Variants in ZNF157 observed in about 807,000 individuals in gnomAD.
ZNF157 encodes the protein zinc finger protein 157.
In ZNF157, 8 loss-of-function variants were observed where a neutral mutation model predicts 9.4. The ratio of observed to expected loss-of-function variants is 0.85; its 90% CI spans 0.50 to 1.53. The LOEUF is 1.53. Ranked by LOEUF, ZNF157 falls within the 40% of genes most tolerant of loss-of-function variation. ZNF157 has a pLI of 0.00. For missense variants in ZNF157, 316 were observed against 385.2 expected (o/e 0.82, Z 1.50); for synonymous variants, 120 against 130.8 (o/e 0.92, Z 0.56).
chrX:47,396,157 T>G (rs2055912601), intron 1 of ZNF157, among the ~76,000 whole-genome samples: 1 of 110,342 alleles, frequency 9.1e-6, no homozygotes, highest in South Asian at 3.9e-4. Context: ...GGGGCAGTGG[T>G]GCACGCCTGT....
intron 1 of ZNF157, among the ~76,000 whole-genome samples, chrX:47,387,075 A>AGCG (rs1215748796): frequency 9.2e-6 from 1 of 108,183 alleles, no homozygotes; most frequent in Admixed American, 1.0e-4. Context: ...TTCGTCCATC[A>AGCG]GCGTCCCAAG....
At chrX:47,407,995 G>T (rs2055952273) in intron 1 of ZNF157, among the ~76,000 whole-genome samples, 1 of 112,013 alleles carries the variant, frequency 8.9e-6, no homozygotes, top group South Asian at 3.7e-4. Context: ...AAAGAAAAGA[G>T]ATTTAATTGG....
intron 1 of ZNF157, 124 bp downstream of exon 1, chrX:47,370,864 C>A: frequency 1.0e-5 from 6 of 584,618 alleles, no homozygotes; most frequent in Non-Finnish European, 1.5e-5. Context: ...GTTTTTGTCC[C>A]CAGTAGTAAC....
At chrX:47,380,971 C>CAGGAGGAGGAGGAGAAAGAGA (rs2055860543) in intron 1 of ZNF157, among the ~76,000 whole-genome samples, 1 of 32,686 alleles carries the variant, frequency 3.1e-5, no homozygotes, top group African/African-American at 1.3e-4. Flanking sequence ...AAAGGAGGAG[C>CAGGAGGAGGAGGAGAAAGAGA]AGGAGGAGGA....
At position 47,405,350 on chromosome X, in the gene ZNF157, T is replaced by C. The variant is rs761606532; in HGVS notation, c.73-4926T>C. 1.3e-4 allele frequency among the ~76,000 whole-genome samples: 14 copies of C among 109,235 alleles called. No individual in the cohort carries two copies. The East Asian group carries it at 3.5e-3, about 27-fold the overall frequency. 94.9% of individuals were successfully genotyped at this position (109,235 alleles called of 115,157 possible). On this transcript the variant is annotated intron_variant, in intron 1 of 3. Transcript: ENST00000377073. ...GTTGCAGTGAGCCAAGATTGCACCA[T>C]TGCACTCCAGCCTCAGCAACAAGAG...
chrX:47,406,846 G>A (rs2055948754), intron 1 of ZNF157, among the ~76,000 whole-genome samples: 1 of 112,263 alleles, frequency 8.9e-6, no homozygotes, highest in South Asian at 3.6e-4. Context: ...TTTCTTGCCT[G>A]ATTTCACTAA....
chrX:47,387,062 G>A (rs901862906), intron 1 of ZNF157, among the ~76,000 whole-genome samples: 3 of 108,207 alleles, frequency 2.8e-5, no homozygotes, highest in African/African-American at 1.0e-4. Flanking sequence ...CTCTTCAAGC[G>A]ATTTCGTCCA....
intron 1 of ZNF157, among the ~76,000 whole-genome samples, chrX:47,377,457 A>C (rs1045119575): frequency 9.1e-6 from 1 of 110,271 alleles, no homozygotes; most frequent in Non-Finnish European, 1.9e-5. Context: ...CTTTTTAATT[A>C]ATTAATTAAT....
chrX:47,373,172 C>T (rs1442244677), intron 1 of ZNF157, among the ~76,000 whole-genome samples: 1 of 106,451 alleles, frequency 9.4e-6, no homozygotes, highest in Non-Finnish European at 2.0e-5. Flanking sequence ...GCACTCTAGC[C>T]TGGGCAAAAG....
rs1569258579 is a variant in ZNF157, at chrX:47,393,744, T to TC, written c.73-16532_73-16531insC. ...CCATCCCCGCCACCCTCCCCCGCCCTTTTTTTTTTTTTTAGACAAAGTCTT... is the reference window on the plus strand; with the variant it reads ...CCATCCCCGCCACCCTCCCCCGCCCTCTTTTTTTTTTTTTAGACAAAGTCTT... On this transcript the variant is annotated intron_variant, in intron 1 of 3. Transcript: ENST00000377073. 7.9e-3 allele frequency among the ~76,000 whole-genome samples: 324 copies of TC among 40,950 alleles called. 14 individuals carry two copies. Among genetic ancestry groups the TC allele is most frequent in the African/African-American group, 0.022 (316 of 14,100 alleles). The allele number at this position is 40,950 out of a possible 115,157, so 35.6% of individuals were successfully genotyped here.
chrX:47,397,249 TTTTTTTTTTTTG>T (rs1395113028), intron 1 of ZNF157, among the ~76,000 whole-genome samples: 1 of 96,197 alleles, frequency 1.0e-5, no homozygotes, highest in Non-Finnish European at 2.1e-5. Flanking sequence ...TTCTTTTTTT[TTTTTTTTTTTTG>T]AGATGGAGTC....
At chrX:47,394,086 C>T (rs926400619) in intron 1 of ZNF157, among the ~76,000 whole-genome samples, 2 of 108,916 alleles carry the variant, frequency 1.8e-5, no homozygotes, top group East Asian at 2.9e-4. Context: ...CTCAGCCTCC[C>T]GAGTAGCTGG....
At chrX:47,409,784 C>T (rs1481917928) in intron 1 of ZNF157, among the ~76,000 whole-genome samples, 2 of 106,905 alleles carry the variant, frequency 1.9e-5, no homozygotes, top group Non-Finnish European at 3.9e-5. Context: ...GCTGGGACTA[C>T]AGATGTGCAC....
chrX:47,392,333 C>T (rs1321397488), intron 1 of ZNF157: 1 of 123,560 alleles, frequency 8.1e-6, no homozygotes, highest in East Asian at 2.3e-4. Flanking sequence ...TACTCTTGGC[C>T]ACTGTGATGG....
At chrX:47,392,984 G>A (rs1181231445) in intron 1 of ZNF157, among the ~76,000 whole-genome samples, 2 of 110,552 alleles carry the variant, frequency 1.8e-5, no homozygotes, top group Non-Finnish European at 3.8e-5. Context: ...GTGAAACCCC[G>A]TCTCTATTAA....
Position 47,374,998 on chromosome X carries a change from C to CTTTTTTTTTT in ZNF157, c.72+4285_72+4294dup, listed in dbSNP as rs769541152. On this transcript the variant is annotated intron_variant, in intron 1 of 3. Coordinates refer to ENST00000377073, the MANE Select transcript of ZNF157 (RefSeq NM_003446.4). ...GTGAGCCCTGAGCCCGGCTGACAAT[C>CTTTTTTTTTT]TTTTTTTTTTTTTTTTTTTTTTTTT... Among the ~76,000 whole-genome samples, 24 of 24,996 alleles carry CTTTTTTTTTT rather than the reference C, an allele frequency of 9.6e-4. 8 individuals are homozygous for CTTTTTTTTTT. Among genetic ancestry groups the CTTTTTTTTTT allele is most frequent in the Non-Finnish European group, 1.4e-3 (20 of 14,377 alleles). 21.7% of individuals were successfully genotyped at this position (24,996 alleles called of 115,157 possible). A position where few individuals can be genotyped will look rare whatever the true frequency, so the allele number is the denominator to read the frequency against.
intron 1 of ZNF157, among the ~76,000 whole-genome samples, chrX:47,383,371 C>CAAAAAAAAA (rs35133137): frequency 5.3e-5 from 1 of 18,824 alleles, no homozygotes; most frequent in Non-Finnish European, 1.5e-4. Flanking sequence ...GACTCAGTCT[C>CAAAAAAAAA]AAAAAAAAAA....
intron 1 of ZNF157, among the ~76,000 whole-genome samples, chrX:47,386,116 A>T (rs1040516758): frequency 8.1e-5 from 9 of 111,706 alleles, no homozygotes; most frequent in Middle Eastern, 4.6e-3. Flanking sequence ...CAGTTATACA[A>T]CCATCCTAGG....
intron 1 of ZNF157, among the ~76,000 whole-genome samples, chrX:47,388,392 TTTTG>T (rs1333413124): frequency 6.3e-4 from 69 of 109,764 alleles, no homozygotes; most frequent in Non-Finnish European, 1.2e-3. Flanking sequence ...CTATGTGTTT[TTTTG>T]TTTTTTTTTT....
Sources: allele counts gnomAD v4.1 joint callset (sites outside exome capture counted in the v4.1 genomes callset), GRCh38; gene constraint gnomAD v4.1.1; transcripts MANE v1.5; gene names NCBI Gene and HGNC (gene_info 2026-07-23, HGNC 2026-07-21).